SEMA5B: variants seen among roughly 807,000 people sequenced by gnomAD.
SEMA5B encodes semaphorin 5B.
Under a neutral mutation model 135.0 loss-of-function variants are expected in SEMA5B, and 66 were observed. That is an observed-to-expected ratio of 0.49 (90% CI 0.40 to 0.60). The LOEUF (loss-of-function observed/expected upper bound fraction) is 0.60, where lower values mean the gene tolerates loss of function less well. Among genes scored for constraint, SEMA5B ranks in the 20% least tolerant of loss-of-function variants. The pLI is 0.00. For synonymous variants in SEMA5B, 690 were observed against 639.5 expected (o/e 1.08, Z -1.19); for missense variants, 1,501 against 1,566.3 (o/e 0.96, Z 0.70).
chr3:122,979,614 G>A (rs957683461), intron 1 of SEMA5B, among the ~76,000 whole-genome samples: 5 of 152,132 alleles, frequency 3.3e-5, no homozygotes, highest in African/African-American at 1.2e-4. Flanking sequence ...TTCACAATTG[G>A]GATGTCCCCC....
chr3:122,944,744 A>G (rs1223669380), intron 3 of SEMA5B, among the ~76,000 whole-genome samples: 1 of 151,806 alleles, frequency 6.6e-6, no homozygotes, highest in African/African-American at 2.4e-5. Context: ...GTGCCAGCTG[A>G]CTCGCCCGGT....
rs144041643 is a variant in SEMA5B at position 122,928,572 on chromosome 3, C to T, written c.581G>A (p.Arg194Gln). ...NYVRVLIVAG[R>Q]KVFMCGTNAF... ...ATTGGTTCCACACATGAACACCTTC[C>T]GGCCGGCGACGATCAGGACTCGCAC... The change falls in exon 7 of 23, where the codon CGG (arginine) becomes CAG (glutamine). Residue 194 changes from arginine to glutamine, a missense_variant. Physicochemically the swap from Arg to Gln is conservative, Grantham distance 43. This residue lies in a region of SEMA5B where 574 missense variants were observed against 684.7 expected (regional missense o/e 0.84). Transcript: ENST00000357599. 215 of 1,563,880 alleles carry T rather than the reference C, an allele frequency of 1.4e-4. No individual in the cohort carries two copies. Among genetic ancestry groups the T allele is most frequent in the Non-Finnish European group, 1.7e-4 (199 of 1,153,544 alleles).
Position 122,999,844 on chromosome 3 carries a change from A to G in SEMA5B, c.-39+27620T>C, listed in dbSNP as rs544260920. ...AAAACAGGTTCTAAAGAAGAAAACA[A>G]CAAACATCCACAACAGCTATGGGGA... is the stretch of plus-strand genomic sequence containing the variant. On this transcript the variant is annotated intron_variant, in intron 1 of 22. Coordinates refer to ENST00000357599, the MANE Select transcript of SEMA5B (RefSeq NM_001031702.4). Among the ~76,000 whole-genome samples the G allele has an allele frequency of 8.5e-5, 13 of 152,366 alleles. No homozygotes were observed. The East Asian group carries it at 2.5e-3, about 29-fold the overall frequency.
At chr3:122,984,936 G>A (rs1045794406) in intron 1 of SEMA5B, among the ~76,000 whole-genome samples, 1 of 152,072 alleles carries the variant, frequency 6.6e-6, no homozygotes, top group African/African-American at 2.4e-5. Context: ...TGAAATACAC[G>A]ATTTCAAATA....
chr3:122,975,015 G>C (rs910947859), intron 1 of SEMA5B: 2 of 152,196 alleles, frequency 1.3e-5, no homozygotes, highest in African/African-American at 4.8e-5. Flanking sequence ...CAAGAATTCT[G>C]GGGAGGGAGC....
intron 1 of SEMA5B, among the ~76,000 whole-genome samples, chr3:122,963,432 G>A (rs1419073850): frequency 6.6e-6 from 1 of 151,044 alleles, no homozygotes; most frequent in Non-Finnish European, 1.5e-5. Context: ...GGCGGAGGTT[G>A]TAGTGAGCCA....
intron 2 of SEMA5B, among the ~76,000 whole-genome samples, chr3:122,949,528 A>G (rs1429638918): frequency 1.3e-5 from 2 of 152,238 alleles, no homozygotes; most frequent in African/African-American, 2.4e-5. Flanking sequence ...TTTAACTTTG[A>G]AGCAGAGAAG....
At chr3:122,972,151 C>A (rs1195649093) in intron 1 of SEMA5B, among the ~76,000 whole-genome samples, 2 of 152,326 alleles carry the variant, frequency 1.3e-5, no homozygotes, top group South Asian at 4.1e-4. Context: ...CTTGCTGCAA[C>A]TTAAACCCTC....
intron 1 of SEMA5B, among the ~76,000 whole-genome samples, chr3:123,010,401 G>A (rs1370731139): frequency 1.3e-5 from 2 of 152,192 alleles, no homozygotes. Context: ...GTGAGATAAT[G>A]TACAGAAGGC....
In SEMA5B at chr3:122,921,962, GC is replaced by G; in HGVS notation, c.1640del (p.Gly547AlafsTer45). On this transcript the variant is annotated frameshift_variant, in exon 12 of 23. Transcript: ENST00000357599. LOFTEE classifies it high-confidence loss of function. Reference sequence around the variant, plus strand: ...ACCTCTCCAGTGGGACCCGCAGGACGCCGTCTCTCAGCCCCACGAAGAGCGC... The same window carrying G: ...ACCTCTCCAGTGGGACCCGCAGGACGCGTCTCTCAGCCCCACGAAGAGCGC... ...ARALFVGLRDGVLRVPLERCA... is the reference protein window; with the variant it reads ...ARALFVGLRDXVLRVPLERCA... 1 of 1,535,876 alleles carries G rather than the reference GC, an allele frequency of 6.5e-7. No individual in the cohort carries two copies.
At chr3:122,961,004 G>A in intron 2 of SEMA5B, 136 bp downstream of exon 2, 7 of 907,746 alleles carry the variant, frequency 7.7e-6, no homozygotes, top group Non-Finnish European at 9.7e-6. Flanking sequence ...TTTTAAAAAG[G>A]AAGAGCTGCT....
At chr3:122,961,328 C>A in intron 1 of SEMA5B, 27 bp from the exon 2 acceptor site, 1 of 1,600,382 alleles carries the variant, frequency 6.2e-7, no homozygotes, top group Non-Finnish European at 8.5e-7. Flanking sequence ...TTGGGTAAGT[C>A]ATGGATACAT....
chr3:122,932,870 C>G (rs1939051350), intron 5 of SEMA5B, among the ~76,000 whole-genome samples: 1 of 152,154 alleles, frequency 6.6e-6, no homozygotes, highest in African/African-American at 2.4e-5. Context: ...AAGTGCACAC[C>G]ACCACACTTG....
intron 5 of SEMA5B, among the ~76,000 whole-genome samples, chr3:122,933,818 C>CA (rs1216511041): frequency 6.6e-6 from 1 of 152,018 alleles, no homozygotes; most frequent in African/African-American, 2.4e-5. Flanking sequence ...TTCCCAATCA[C>CA]ATTTTAAATT....
In SEMA5B at chr3:122,996,095, C is replaced by T. The variant is rs1047038548; in HGVS notation, c.-39+31369G>A. ...TCCAGGGCTTTTCATCCCCATGGAA[C>T]ACTGAGTAGACACCAACTTGGATGG... On this transcript the variant is annotated intron_variant, in intron 1 of 22. Coordinates refer to ENST00000357599, the MANE Select transcript of SEMA5B (RefSeq NM_001031702.4). 3.9e-5 allele frequency among the ~76,000 whole-genome samples: 6 copies of T among 152,218 alleles called. No homozygotes were observed. In the South Asian group the frequency reaches 6.2e-4, roughly 16 times the overall value.
At position 122,915,457 on chromosome 3, in the gene SEMA5B, G is replaced by A. The variant is rs75479911; in HGVS notation, c.1971C>T (p.His657=). Residue 657 remains histidine, a synonymous_variant, in exon 14 of 23, where the codon CAC becomes CAT. Transcript: ENST00000357599. The part of the protein sequence containing the change: ...GGLDCLGPAI[H]IANCSRNGAW... The stretch of plus-strand genomic sequence containing the variant: ...TCACATACCTGGAGCAGTTGGCGAT[G>A]TGGATGGCTGGCCCCAGGCAGTCAA... 48 of 1,611,826 alleles carry A rather than the reference G, an allele frequency of 3.0e-5. No homozygotes were observed. In the East Asian group the frequency reaches 1.1e-3, roughly 36 times the overall value.
intron 1 of SEMA5B, 57 bp from the exon 2 acceptor site, chr3:122,961,358 A>C: frequency 6.6e-7 from 1 of 1,521,244 alleles, no homozygotes; most frequent in South Asian, 1.2e-5. Context: ...GGCAAAAGAG[A>C]TGAGGTCAGA....
At chr3:122,941,919 G>A (rs1316972085) in intron 4 of SEMA5B, among the ~76,000 whole-genome samples, 1 of 152,130 alleles carries the variant, frequency 6.6e-6, no homozygotes, top group East Asian at 1.9e-4. Flanking sequence ...AAAATAGAGA[G>A]TAAAACAATT....
chr3:122,997,453 A>T (rs941966717), intron 1 of SEMA5B, among the ~76,000 whole-genome samples: 1 of 149,204 alleles, frequency 6.7e-6, no homozygotes, highest in Admixed American at 6.7e-5. Context: ...TGGGGACCTT[A>T]CCCCATCCCC....
Sources: gnomAD v4.1 joint callset for allele counts (sites outside exome capture counted in the v4.1 genomes callset) on GRCh38, gnomAD v4.1.1 for gene constraint, gnomAD v4.1.1 regional missense constraint, MANE v1.5 for transcripts, NCBI Gene and HGNC (gene_info 2026-07-23, HGNC 2026-07-21) for gene names.